Variants in YEATS2 observed in about 807,000 individuals in gnomAD.
YEATS2 encodes the protein YEATS domain containing 2.
A neutral mutation model predicts 163.2 loss-of-function variants in YEATS2; 77 were observed. The observed-to-expected ratio is 0.47, with a 90% confidence interval of 0.39 to 0.57. The LOEUF is 0.57. Among genes scored for constraint, YEATS2 ranks in the 20% least tolerant of loss-of-function variants. The pLI is 0.00. For missense variants in YEATS2, 1,549 were observed against 1,729.8 expected (o/e 0.90, Z 1.85); for synonymous variants, 631 against 645.1 (o/e 0.98, Z 0.33).
chr3:183,767,676 C>T lies in YEATS2; in HGVS notation c.1948-4629C>T, dbSNP rs144901197. On this transcript the variant is annotated intron_variant, in intron 15 of 30. Transcript: ENST00000305135. ...GATTACAGGTGTGAGCCATTGTGCC[C>T]GGCCATTTTTTTTATTTTTTAATAG... is the stretch of plus-strand genomic sequence containing the variant. Among the ~76,000 whole-genome samples the T allele has an allele frequency of 9.5e-3, 1,450 of 151,978 alleles. 19 individuals are homozygous for T. The highest frequency in any genetic ancestry group is 0.033 in the African/African-American group (1,364 of 41,474).
intron 21 of YEATS2, chr3:183,793,597 T>TTTTA: frequency 8.3e-6 from 2 of 240,112 alleles, no homozygotes; most frequent in Non-Finnish European, 1.3e-5. Context: ...CTGTATCACA[T>TTTTA]TTTCTTTCTT....
intron 15 of YEATS2, among the ~76,000 whole-genome samples, chr3:183,769,088 T>C (rs1722199494): frequency 6.6e-6 from 1 of 152,182 alleles, no homozygotes; most frequent in South Asian, 2.1e-4. Context: ...CTTTTTAAAA[T>C]TGGTTCTTTT....
At chr3:183,721,740 A>G in intron 4 of YEATS2, 151 bp from the exon 5 acceptor site, 2 of 964,524 alleles carry the variant, frequency 2.1e-6, no homozygotes, top group Non-Finnish European at 1.5e-6. Context: ...GGCTGTGCTA[A>G]GGGGTTGGGA....
In YEATS2 at chr3:183,715,237, G is replaced by A; in HGVS notation, c.75G>A (p.Lys25=). ...ATGTATCTGTGGCCCTTCCAAATAA[G>A]CGGCATAAAGCAATTGAGAATTCAG... ...YEDVSVALPN[K]RHKAIENSAR... The change falls in exon 2 of 31, where the codon AAG becomes AAA. Residue 25 remains lysine (K), a synonymous_variant. Coordinates refer to ENST00000305135, the MANE Select transcript of YEATS2 (RefSeq NM_018023.5). 1 of 1,609,738 alleles carries A rather than the reference G, an allele frequency of 6.2e-7. No homozygotes were observed. The highest frequency in any genetic ancestry group is 8.5e-7 in the Non-Finnish European group (1 of 1,179,166).
intron 8 of YEATS2, among the ~76,000 whole-genome samples, chr3:183,745,183 G>A (rs570086358): frequency 6.6e-6 from 1 of 152,284 alleles, no homozygotes; most frequent in South Asian, 2.1e-4. Context: ...CTATTTTGCT[G>A]TCTCCTGATA....
rs371671664 is a variant in YEATS2 at position 183,751,547 on chromosome 3, G to A, written c.970-526G>A. On this transcript the variant is annotated intron_variant, in intron 9 of 30. Coordinates refer to ENST00000305135, the MANE Select transcript of YEATS2 (RefSeq NM_018023.5). ...GTGCTGGGAATACAGAAATGAACAC[G>A]GTAGCTTCTTCCTTCAGAGTCAAAT... 5.3e-5 allele frequency among the ~76,000 whole-genome samples: 8 copies of A among 152,272 alleles called. No individual in the cohort carries two copies. In the South Asian group the frequency reaches 6.2e-4, roughly 12 times the overall value.
chr3:183,753,744 C>T (rs1720425404), intron 10 of YEATS2, among the ~76,000 whole-genome samples: 1 of 152,032 alleles, frequency 6.6e-6, no homozygotes, highest in Non-Finnish European at 1.5e-5. Context: ...GAAATAATGT[C>T]TCAAAAATAA....
intron 4 of YEATS2, among the ~76,000 whole-genome samples, chr3:183,720,886 G>A (rs1716417422): frequency 1.3e-5 from 2 of 151,340 alleles, no homozygotes; most frequent in South Asian, 4.2e-4. Flanking sequence ...TTTCCCGGCT[G>A]TAATTTCTGC....
chr3:183,724,830 C>G lies in YEATS2; in HGVS notation c.650+299C>G, dbSNP rs531345353. On this transcript the variant is annotated intron_variant, in intron 6 of 30. Coordinates refer to ENST00000305135, the MANE Select transcript of YEATS2 (RefSeq NM_018023.5). ...TGATCTTGGTTCACCGCAACCTCCCCCCGCCCGGGTTCAAGCGATTCTCCT... is the reference window on the plus strand; with the variant it reads ...TGATCTTGGTTCACCGCAACCTCCCGCCGCCCGGGTTCAAGCGATTCTCCT... Among the ~76,000 whole-genome samples, 6 of 152,262 alleles carry G rather than the reference C, an allele frequency of 3.9e-5. No homozygotes were observed. In the South Asian group the frequency reaches 1.2e-3, roughly 32 times the overall value.
chr3:183,754,056 T>C lies in YEATS2; in HGVS notation c.1151-70T>C, dbSNP rs1720458565. 2.1e-6 allele frequency: 3 copies of C among 1,459,664 alleles called. No homozygotes were observed. In the South Asian group the frequency reaches 4.8e-5, roughly 23 times the overall value. 90.4% of individuals were successfully genotyped at this position (1,459,664 alleles called of 1,614,324 possible). A position where few individuals can be genotyped will look rare whatever the true frequency, so the allele number is the denominator to read the frequency against. ...GTTGAAATAATGCATTTTTATTCTTTTTCCACAACGGTAAGGTTTTATTTC... is the reference window on the plus strand; with the variant it reads ...GTTGAAATAATGCATTTTTATTCTTCTTCCACAACGGTAAGGTTTTATTTC... On this transcript the variant is annotated intron_variant, in intron 10 of 30. Coordinates refer to ENST00000305135, the MANE Select transcript of YEATS2 (RefSeq NM_018023.5).
intron 1 of YEATS2, among the ~76,000 whole-genome samples, chr3:183,709,154 C>CT (rs1280576940): frequency 6.6e-6 from 1 of 150,942 alleles, no homozygotes; most frequent in Non-Finnish European, 1.5e-5. Flanking sequence ...AAGTGAGACT[C>CT]TGTCTCAAAA....
chr3:183,700,598 C>CTTTTTTTTTTTTTTTT (rs748017835), intron 1 of YEATS2, among the ~76,000 whole-genome samples: 2 of 126,620 alleles, frequency 1.6e-5, no homozygotes, highest in African/African-American at 3.1e-5. Flanking sequence ...TCTTTTCTTT[C>CTTTTTTTTTTTTTTTT]TTTTTTTTTT....
chr3:183,786,331 T>C (rs1214550299), intron 20 of YEATS2, 30 bp downstream of exon 20: 1 of 1,578,280 alleles, frequency 6.3e-7, no homozygotes. Flanking sequence ...TAGAGAATCC[T>C]AATGAGACAT....
intron 1 of YEATS2, among the ~76,000 whole-genome samples, chr3:183,709,883 T>A (rs1482842289): frequency 6.6e-6 from 1 of 151,924 alleles, no homozygotes; most frequent in East Asian, 1.9e-4. Context: ...GGTTTCCCCA[T>A]GTTAGCCAGG....
Position 183,715,177 on chromosome 3 carries a change from G to C in YEATS2, c.15G>C (p.Lys5Asn). 1 of 1,612,996 alleles carries C rather than the reference G, an allele frequency of 6.2e-7. No homozygotes were observed. Among genetic ancestry groups the C allele is most frequent in the Non-Finnish European group, 8.5e-7 (1 of 1,179,404 alleles). The change falls in exon 2 of 31, where the codon AAG (lysine) becomes AAC (asparagine). Residue 5 changes from lysine (K) to asparagine (N), a missense_variant. Transcript: ENST00000305135. MSGIKRTIKETDPDY... is the reference protein window; with the variant it reads MSGINRTIKETDPDY... ...TGAATGTCATCATGTCTGGAATCAA[G>C]CGAACCATCAAAGAAACCGACCCTG...
At position 183,754,364 on chromosome 3, in the gene YEATS2, A is replaced by G. The variant is rs1720497230; in HGVS notation, c.1389A>G (p.Ser463=). Residue 463 remains serine, a splice_region_variant and synonymous_variant, in exon 11 of 31, where the codon TCA becomes TCG. Coordinates refer to ENST00000305135, the MANE Select transcript of YEATS2 (RefSeq NM_018023.5). ...TCACCATGAGCTGCAAGATTGTGTC[A>G]GGTATGCAGATGTTTTGAAGACAGT... is the stretch of plus-strand genomic sequence containing the variant. The part of the protein sequence containing the change: ...QPITMSCKIV[S]GSPISTPSPS... 1.9e-6 allele frequency: 3 copies of G among 1,611,728 alleles called. No homozygotes were observed. The highest frequency in any genetic ancestry group is 3.3e-5 in the Admixed American group (2 of 59,968).
chr3:183,801,406 T>G, intron 24 of YEATS2, 49 bp from the exon 25 acceptor site: 1 of 1,394,752 alleles, frequency 7.2e-7, no homozygotes, highest in South Asian at 1.3e-5. Flanking sequence ...CTATAGAAAC[T>G]GCTACATGTA....
At chr3:183,806,348 G>C (rs922544044) in intron 27 of YEATS2, 5 of 456,448 alleles carry the variant, frequency 1.1e-5, no homozygotes, top group Non-Finnish European at 2.2e-5. Flanking sequence ...CATCCAGAAA[G>C]TGGAAGGGCA....
intron 19 of YEATS2, among the ~76,000 whole-genome samples, chr3:183,784,955 C>T (rs576180860): frequency 2.0e-5 from 3 of 151,962 alleles, no homozygotes; most frequent in Admixed American, 6.6e-5. Context: ...TACCTGTAAT[C>T]GCAGCTACTC....
Sources: allele counts gnomAD v4.1 joint callset (sites outside exome capture counted in the v4.1 genomes callset), GRCh38; gene constraint gnomAD v4.1.1; transcripts MANE v1.5; gene names NCBI Gene and HGNC (gene_info 2026-07-23, HGNC 2026-07-21).